CEP63: variants seen among roughly 807,000 people sequenced by gnomAD.
The protein encoded by CEP63 is centrosomal protein 63, also known as centrosomal protein of 63 kDa.
In CEP63, 84 loss-of-function variants were observed where a neutral mutation model predicts 89.1. That is an observed-to-expected ratio of 0.94 (90% CI 0.79 to 1.13). The LOEUF (loss-of-function observed/expected upper bound fraction) is 1.13. Ranked by LOEUF, CEP63 falls within the 50% of genes most tolerant of loss-of-function variation. The pLI, the probability that CEP63 is intolerant of heterozygous loss-of-function variation, is 0.00. For missense variants in CEP63, 838 were observed against 813.3 expected (o/e 1.03, Z -0.37); for synonymous variants, 267 against 272.5 (o/e 0.98, Z 0.20).
intron 1 of CEP63, chr3:134,486,825 C>G (rs1159096138): frequency 6.6e-6 from 1 of 152,390 alleles, no homozygotes; most frequent in Non-Finnish European, 1.5e-5. Context: ...TTGGAGAACC[C>G]TGAACTAACG....
At chr3:134,578,322 G>T (rs1384064538), downstream of CEP63, among the ~76,000 whole-genome samples, 9 of 62,100 alleles carry the variant, frequency 1.4e-4, no homozygotes, top group African/African-American at 1.9e-4. Flanking sequence ...TCTGACTTGT[G>T]TTTTTTTTTT....
chr3:134,769,589 T>A, the CEP63 span, among the ~76,000 whole-genome samples: 3 of 152,310 alleles, frequency 2.0e-5, no homozygotes, highest in East Asian at 3.9e-4. Context: ...TGTACATAAT[T>A]GAAGTTGATA....
At chr3:134,510,834 T>C (rs1324761239) in intron 3 of CEP63, 1 of 310,532 alleles carries the variant, frequency 3.2e-6, no homozygotes, top group East Asian at 9.5e-5. Flanking sequence ...GTAGAAGTTT[T>C]CTTACAGCTG....
intron 1 of CEP63, among the ~76,000 whole-genome samples, chr3:134,491,655 G>A (rs1053498368): frequency 3.9e-5 from 6 of 152,064 alleles, no homozygotes; most frequent in Non-Finnish European, 7.4e-5. Context: ...CTTATTTACT[G>A]GTATCAGTTT....
chr3:134,503,607 C>T (rs139683793), intron 2 of CEP63, among the ~76,000 whole-genome samples: 3 of 152,078 alleles, frequency 2.0e-5, no homozygotes, highest in Non-Finnish European at 2.9e-5. Flanking sequence ...AGTGGGGTAC[C>T]GAAGTCCCCA....
chr3:134,717,947 T>A, the CEP63 span, among the ~76,000 whole-genome samples: 2 of 152,208 alleles, frequency 1.3e-5, no homozygotes, highest in Non-Finnish European at 2.9e-5. Flanking sequence ...TTACAGACTG[T>A]GTAAATCTGT....
chr3:134,525,650 G>A (rs1350990898), intron 3 of CEP63, among the ~76,000 whole-genome samples: 1 of 152,186 alleles, frequency 6.6e-6, no homozygotes, highest in Admixed American at 6.5e-5. Flanking sequence ...TGTTTTTGTA[G>A]TGGCTGTTAA....
At chr3:134,603,559 G>A in the CEP63 span, 1 of 1,552,954 alleles carries the variant, frequency 6.4e-7, no homozygotes, top group Non-Finnish European at 8.7e-7. Flanking sequence ...CTTTGGGAGG[G>A]TAAGACCGGG....
At chr3:134,541,593 G>T (rs942906698) in intron 6 of CEP63, among the ~76,000 whole-genome samples, 3 of 145,482 alleles carry the variant, frequency 2.1e-5, no homozygotes, top group Admixed American at 7.2e-5. Context: ...TCGGCTCGCT[G>T]CAACCTCCGC....
At chr3:134,761,187 G>C in the CEP63 span, among the ~76,000 whole-genome samples, 1 of 152,138 alleles carries the variant, frequency 6.6e-6, no homozygotes, top group Non-Finnish European at 1.5e-5. Flanking sequence ...ATGCTCAGAT[G>C]CCCCTACTCC....
the CEP63 span, among the ~76,000 whole-genome samples, chr3:134,703,282 T>G: frequency 1.7e-5 from 2 of 114,872 alleles, no homozygotes; most frequent in South Asian, 6.0e-4. Flanking sequence ...GGTGACAGAG[T>G]GAGACTCCGT....
chr3:134,756,360 T>C, the CEP63 span, among the ~76,000 whole-genome samples: 2 of 152,212 alleles, frequency 1.3e-5, no homozygotes, highest in Non-Finnish European at 2.9e-5. Flanking sequence ...TATCCTTTTT[T>C]TGAGACAGGG....
chr3:134,548,160 A>G (rs1953979190), intron 9 of CEP63, among the ~76,000 whole-genome samples: 1 of 152,128 alleles, frequency 6.6e-6, no homozygotes, highest in Non-Finnish European at 1.5e-5. Flanking sequence ...ACCATCCCTT[A>G]ATCCTATGTC....
At chr3:134,580,237 A>G (rs1192597952) in intron 10 of CEP63, among the ~76,000 whole-genome samples, 1 of 151,962 alleles carries the variant, frequency 6.6e-6, no homozygotes, top group Non-Finnish European at 1.5e-5. Flanking sequence ...CCAAAAGATT[A>G]TATATTGTAT....
the CEP63 span, among the ~76,000 whole-genome samples, chr3:134,718,026 T>C: frequency 6.6e-6 from 1 of 152,176 alleles, no homozygotes; most frequent in Non-Finnish European, 1.5e-5. Flanking sequence ...GAATCACCCC[T>C]CCTCCAGTCT....
downstream of CEP63, among the ~76,000 whole-genome samples, chr3:134,579,175 A>C (rs1323931783): frequency 6.6e-6 from 1 of 152,260 alleles, no homozygotes; most frequent in Non-Finnish European, 1.5e-5. Flanking sequence ...TTCATGTATT[A>C]TAAGAAGTAT....
At chr3:134,543,400 A>G (rs1302304855) in intron 6 of CEP63, among the ~76,000 whole-genome samples, 4 of 152,224 alleles carry the variant, frequency 2.6e-5, no homozygotes, top group Non-Finnish European at 5.9e-5. Context: ...GAGTTGATTA[A>G]TGTACTTTTC....
chr3:134,606,784 A>G, the CEP63 span, among the ~76,000 whole-genome samples: 50,119 of 151,330 alleles, frequency 0.33, 8,614 homozygotes, highest in South Asian at 0.36. Context: ...GCAGACCTCT[A>G]TGGGAGTCCA....
chr3:134,586,260 G>A lies in CEP63; in HGVS notation c.1207-1198G>A, dbSNP rs191675670. 9.9e-5 allele frequency among the ~76,000 whole-genome samples: 15 copies of A among 152,272 alleles called. No individual in the cohort carries two copies. In the East Asian group the frequency reaches 1.5e-3, roughly 16 times the overall value. On this transcript the variant is annotated intron_variant, in intron 10 of 10. Coordinates refer to the CEP63 transcript ENST00000683931. ...ATAATGTTAGCTGGTAATTTTGCCC[G>A]TTAATTGATGCAGTTTCTTTATAGC...
Sources: gnomAD v4.1 joint callset for allele counts (sites outside exome capture counted in the v4.1 genomes callset) on GRCh38, gnomAD v4.1.1 for gene constraint, MANE v1.5 for transcripts, NCBI Gene and HGNC (gene_info 2026-07-23, HGNC 2026-07-21) for gene names.